CAST: variants seen among roughly 807,000 people sequenced by gnomAD.
CAST encodes MIR583 host.
CAST carries 76 observed loss-of-function variants against 119.6 expected under a neutral mutation model. That is an observed-to-expected ratio of 0.64 (90% CI 0.53 to 0.77). The LOEUF (loss-of-function observed/expected upper bound fraction) is 0.77, where lower values mean the gene tolerates loss of function less well. Among genes scored for constraint, CAST ranks in the 30% least tolerant of loss-of-function variants. The probability of loss-of-function intolerance (pLI) is 0.00; values close to 1 mark genes in which losing one functional copy is unlikely to be tolerated. For synonymous variants in CAST, 319 were observed against 331.6 expected, an observed-to-expected ratio of 0.96 and a Z score of 0.41; for missense variants, 953 against 946.5, an observed-to-expected ratio of 1.01 and a Z score of -0.09.
the CAST span, among the ~76,000 whole-genome samples, chr5:95,985,444 C>T: frequency 6.6e-6 from 1 of 152,102 alleles, no homozygotes; most frequent in Non-Finnish European, 1.5e-5. Flanking sequence ...TTTTAATTTC[C>T]CTTACTTTCC....
the CAST span, among the ~76,000 whole-genome samples, chr5:96,484,592 T>A: frequency 6.6e-6 from 1 of 152,072 alleles, no homozygotes; most frequent in African/African-American, 2.4e-5. Context: ...GAATATTCAC[T>A]ATTTTTGGTT....
the CAST span, chr5:96,410,732 C>T: frequency 2.7e-6 from 4 of 1,483,658 alleles, no homozygotes; most frequent in South Asian, 2.3e-5. Context: ...GCATGCCACG[C>T]TCTCCTAACT....
In CAST at chr5:96,579,859, C is replaced by G. The variant is rs1033816242; in HGVS notation, c.60+49979C>G. Among the ~76,000 whole-genome samples the G allele has an allele frequency of 3.3e-5, 5 of 152,312 alleles. No individual in the cohort carries two copies. The South Asian group carries it at 6.2e-4, about 19-fold the overall frequency. On this transcript the variant is annotated intron_variant, in intron 1 of 11. Transcript: ENST00000505143. ...AGATGCCTTCTACTGCATTTAGAAA[C>G]TTGGAAATATTATGGGCCTAGTCAT... is the stretch of plus-strand genomic sequence containing the variant.
At chr5:96,699,458 A>G (rs1185559514) in intron 3 of CAST, among the ~76,000 whole-genome samples, 1 of 152,256 alleles carries the variant, frequency 6.6e-6, no homozygotes, top group Non-Finnish European at 1.5e-5. Context: ...AAAGCCTTAC[A>G]GCAGTACTAA....
intron 1 of CAST, among the ~76,000 whole-genome samples, chr5:96,610,863 T>C (rs1250305207): frequency 6.6e-6 from 1 of 152,164 alleles, no homozygotes; most frequent in African/African-American, 2.4e-5. Context: ...GTAGCTTTTA[T>C]GCACTCCAGG....
chr5:96,108,192 A>C, the CAST span, among the ~76,000 whole-genome samples: 1 of 152,060 alleles, frequency 6.6e-6, no homozygotes, highest in African/African-American at 2.4e-5. Context: ...GCTTGGAGTA[A>C]TTTGATCATC....
At chr5:96,742,608 C>T in intron 15 of CAST, 47 bp from the exon 16 acceptor site, 1 of 1,158,776 alleles carries the variant, frequency 8.6e-7, no homozygotes, top group South Asian at 1.2e-5. Context: ...ATTGTTCGGG[C>T]TCCAGAGATG....
At chr5:96,328,995 C>CT in the CAST span, among the ~76,000 whole-genome samples, 1 of 152,140 alleles carries the variant, frequency 6.6e-6, no homozygotes, top group Non-Finnish European at 1.5e-5. Context: ...TTTATGAATT[C>CT]TTTTTCTCCA....
At chr5:96,091,932 C>A in the CAST span, among the ~76,000 whole-genome samples, 2 of 152,178 alleles carry the variant, frequency 1.3e-5, no homozygotes, top group Non-Finnish European at 2.9e-5. Context: ...CAAATCAGAC[C>A]TTGGCTGTCT....
At chr5:96,033,591 T>C in the CAST span, among the ~76,000 whole-genome samples, 2 of 152,042 alleles carry the variant, frequency 1.3e-5, no homozygotes, top group Non-Finnish European at 2.9e-5. Flanking sequence ...AAAGTAGATA[T>C]TCACATGCAG....
At chr5:96,489,483 T>A in the CAST span, among the ~76,000 whole-genome samples, 5 of 152,212 alleles carry the variant, frequency 3.3e-5, no homozygotes, top group African/African-American at 9.6e-5. Flanking sequence ...TTGTATGTAT[T>A]ATATATATGC....
chr5:96,484,630 T>C, the CAST span, among the ~76,000 whole-genome samples: 2 of 152,178 alleles, frequency 1.3e-5, no homozygotes, highest in Non-Finnish European at 2.9e-5. Context: ...TTCCCCTTTC[T>C]AACCTATGTG....
chr5:96,488,342 T>C, the CAST span, among the ~76,000 whole-genome samples: 1 of 152,150 alleles, frequency 6.6e-6, no homozygotes, highest in Non-Finnish European at 1.5e-5. Context: ...TTTAATGATA[T>C]CCAGAATTTT....
chr5:96,217,564 T>A, the CAST span, among the ~76,000 whole-genome samples: 2 of 152,120 alleles, frequency 1.3e-5, no homozygotes, highest in African/African-American at 4.8e-5. Flanking sequence ...AATTATGTGT[T>A]CCTGTACTTA....
the CAST span, among the ~76,000 whole-genome samples, chr5:96,144,139 A>G: frequency 3.9e-5 from 6 of 152,242 alleles, no homozygotes; most frequent in African/African-American, 7.2e-5. Context: ...ACTGTCACCA[A>G]TGATTATTGT....
the CAST span, chr5:96,433,371 G>T: frequency 5.1e-6 from 2 of 395,756 alleles, no homozygotes; most frequent in Admixed American, 3.6e-5. Flanking sequence ...GCGGGGCGGA[G>T]AAGCGGCTAA....
chr5:96,409,709 C>A, the CAST span, among the ~76,000 whole-genome samples: 2 of 152,194 alleles, frequency 1.3e-5, no homozygotes, highest in African/African-American at 4.8e-5. Context: ...ACAAGTGGGG[C>A]AGATGTCTGA....
intron 1 of CAST, among the ~76,000 whole-genome samples, chr5:96,640,777 G>A: frequency 6.6e-6 from 1 of 152,202 alleles, no homozygotes; most frequent in East Asian, 1.9e-4. Context: ...GGGTATGCTT[G>A]ATGGGGAAGA....
At chr5:96,220,692 G>A in the CAST span, among the ~76,000 whole-genome samples, 1 of 152,200 alleles carries the variant, frequency 6.6e-6, no homozygotes, top group Non-Finnish European at 1.5e-5. Flanking sequence ...TTTGTGACGA[G>A]TAAGTGACCA....
Sources: allele counts gnomAD v4.1 joint callset (sites outside exome capture counted in the v4.1 genomes callset), GRCh38; gene constraint gnomAD v4.1.1; transcripts MANE v1.5; gene names NCBI Gene and HGNC (gene_info 2026-07-23, HGNC 2026-07-21).